The following PDE1A variants were observed in gnomAD, a reference collection of about 807,000 sequenced individuals.
PDE1A encodes the protein phosphodiesterase 1A.
A neutral mutation model predicts 61.7 loss-of-function variants in PDE1A; 35 were observed. The observed-to-expected ratio is 0.57, with a 90% CI of 0.43 to 0.75. The LOEUF (loss-of-function observed/expected upper bound fraction) is 0.75. Ranked by LOEUF, PDE1A falls within the 30% of genes least tolerant of loss-of-function variation. The pLI, the probability that PDE1A is intolerant of heterozygous loss-of-function variation, is 0.00. For missense variants in PDE1A, 597 were observed against 630.6 expected (o/e 0.95, Z 0.57); for synonymous variants, 232 against 213.2 (o/e 1.09, Z -0.77).
the PDE1A span, among the ~76,000 whole-genome samples, chr2:182,580,345 C>T: frequency 6.6e-6 from 1 of 152,144 alleles, no homozygotes; most frequent in African/African-American, 2.4e-5. Context: ...TTGGATTCAT[C>T]TGAGGCTTCT....
intron 1 of PDE1A, among the ~76,000 whole-genome samples, chr2:182,286,606 T>C (rs984650356): frequency 2.0e-5 from 3 of 152,124 alleles, no homozygotes; most frequent in Admixed American, 6.6e-5. Context: ...CTATTTTCAA[T>C]ACATGGCTTC....
intron 1 of PDE1A, among the ~76,000 whole-genome samples, chr2:182,339,377 A>C (rs1449141009): frequency 6.6e-6 from 1 of 152,200 alleles, no homozygotes; most frequent in Non-Finnish European, 1.5e-5. Flanking sequence ...CTGTAAACAA[A>C]AGTATGGCAA....
At chr2:182,271,573 T>C (rs1243404262) in intron 1 of PDE1A, among the ~76,000 whole-genome samples, 1 of 152,118 alleles carries the variant, frequency 6.6e-6, no homozygotes, top group East Asian at 1.9e-4. Flanking sequence ...GATGTAAACA[T>C]TCAAAGAGTT....
chr2:182,423,923 C>CAAA (rs564745025), intron 1 of PDE1A, among the ~76,000 whole-genome samples: 42 of 122,882 alleles, frequency 3.4e-4, no homozygotes, highest in African/African-American at 1.1e-3. Context: ...CCAAATATTT[C>CAAA]AAAAAAAAAA....
At chr2:182,143,370 AG>A (rs991450450), downstream of PDE1A, among the ~76,000 whole-genome samples, 1 of 152,182 alleles carries the variant, frequency 6.6e-6, no homozygotes, top group East Asian at 1.9e-4. Context: ...ATAAATAAAA[AG>A]AAAAGAAAAC....
At chr2:182,361,080 G>A (rs35774261) in intron 1 of PDE1A, among the ~76,000 whole-genome samples, 421 of 152,166 alleles carry the variant, frequency 2.8e-3, no homozygotes, top group Admixed American at 6.4e-3. Flanking sequence ...CACACCGGCC[G>A]AAACTAAGGA....
the PDE1A span, among the ~76,000 whole-genome samples, chr2:182,604,696 T>C: frequency 6.6e-6 from 1 of 152,338 alleles, no homozygotes; most frequent in South Asian, 2.1e-4. Context: ...TTGTTGCTAA[T>C]TGATGAGGAA....
intron 1 of PDE1A, among the ~76,000 whole-genome samples, chr2:182,339,150 G>A (rs1384030323): frequency 6.6e-6 from 1 of 152,056 alleles, no homozygotes; most frequent in Non-Finnish European, 1.5e-5. Flanking sequence ...ATTTTACAGG[G>A]TGTGTTACTA....
At chr2:182,205,995 G>C in exon 8 of PDE1A, 1 of 1,611,382 alleles carries the variant, frequency 6.2e-7, no homozygotes, top group Non-Finnish European at 8.5e-7. Context: ...TCTTGCATAA[G>C]TCGATAAGCT....
the PDE1A span, among the ~76,000 whole-genome samples, chr2:182,546,508 A>T: frequency 0.013 from 1,910 of 152,270 alleles, 44 homozygotes; most frequent in African/African-American, 0.044. Context: ...GGAAGCAACA[A>T]CTGGGGAAGG....
At chr2:182,686,031 C>A in the PDE1A span, among the ~76,000 whole-genome samples, 1 of 152,276 alleles carries the variant, frequency 6.6e-6, no homozygotes, top group African/African-American at 2.4e-5. Flanking sequence ...GCTTAACAGC[C>A]TGCTCTTCCA....
At chr2:182,481,183 T>C (rs558207505) in intron 2 of PDE1A, among the ~76,000 whole-genome samples, 1 of 152,060 alleles carries the variant, frequency 6.6e-6, no homozygotes, top group South Asian at 2.1e-4. Context: ...CTGGTTTTTT[T>C]AAAGGGGGGC....
the PDE1A span, among the ~76,000 whole-genome samples, chr2:182,570,438 G>A: frequency 2.8e-4 from 43 of 152,270 alleles, no homozygotes; most frequent in South Asian, 1.0e-3. Flanking sequence ...GATTATCAGT[G>A]AGAGCAAATC....
the PDE1A span, among the ~76,000 whole-genome samples, chr2:182,537,476 C>T: frequency 7.9e-5 from 12 of 151,940 alleles, no homozygotes; most frequent in Admixed American, 6.6e-4. Context: ...GGGAGGAGAA[C>T]ATCACACACT....
At chr2:182,232,747 A>T (rs1689683933) in intron 4 of PDE1A, among the ~76,000 whole-genome samples, 1 of 152,240 alleles carries the variant, frequency 6.6e-6, no homozygotes, top group Admixed American at 6.5e-5. Context: ...TAAATCTTTT[A>T]TCAAACTCCA....
At chr2:182,324,233 T>C (rs536200932) in intron 1 of PDE1A, among the ~76,000 whole-genome samples, 2 of 152,180 alleles carry the variant, frequency 1.3e-5, no homozygotes, top group South Asian at 4.2e-4. Flanking sequence ...GTTCTATATC[T>C]CAGTGATTAG....
chr2:182,173,994 G>A (rs915296210), intron 13 of PDE1A, among the ~76,000 whole-genome samples: 3 of 151,974 alleles, frequency 2.0e-5, no homozygotes, highest in Non-Finnish European at 4.4e-5. Flanking sequence ...GGAAGAGTGA[G>A]GCCCACTGGT....
At chr2:182,388,573 A>G (rs1386761481) in intron 1 of PDE1A, among the ~76,000 whole-genome samples, 1 of 152,156 alleles carries the variant, frequency 6.6e-6, no homozygotes, top group Non-Finnish European at 1.5e-5. Flanking sequence ...TAAACAGCCA[A>G]TGATCAATGA....
At chr2:182,260,510 A>G (rs950213608) in intron 2 of PDE1A, among the ~76,000 whole-genome samples, 5 of 152,224 alleles carry the variant, frequency 3.3e-5, no homozygotes, top group Non-Finnish European at 7.3e-5. Context: ...TTATTGTTCT[A>G]AAAAATCTTA....
Sources: allele counts gnomAD v4.1 joint callset (sites outside exome capture counted in the v4.1 genomes callset), GRCh38; gene constraint gnomAD v4.1.1; transcripts MANE v1.5; gene names NCBI Gene and HGNC (gene_info 2026-07-23, HGNC 2026-07-21).